SLC27A6: variants seen among roughly 807,000 people sequenced by gnomAD.
The protein encoded by SLC27A6 is solute carrier family 27 member 6.
A neutral mutation model predicts 63.9 loss-of-function variants in SLC27A6; 74 were observed. That is an observed-to-expected ratio of 1.16 (90% CI 0.96 to 1.40). The LOEUF (loss-of-function observed/expected upper bound fraction) is 1.40, where lower values mean the gene tolerates loss of function less well. Among genes scored for constraint, SLC27A6 ranks in the 40% most tolerant of loss-of-function variants. SLC27A6 has a pLI of 0.00. For synonymous variants in SLC27A6, 287 were observed against 260.8 expected, an observed-to-expected ratio of 1.10 and a Z score of -0.97; for missense variants, 794 against 732.9, an observed-to-expected ratio of 1.08 and a Z score of -0.96.
At chr5:128,969,752 T>C (rs1247401162) in intron 1 of SLC27A6, among the ~76,000 whole-genome samples, 1 of 152,204 alleles carries the variant, frequency 6.6e-6, no homozygotes, top group Non-Finnish European at 1.5e-5. Flanking sequence ...GAATACCTTT[T>C]ATTTCTTTCT....
At chr5:129,032,302 A>G (rs1364345021) in intron 9 of SLC27A6, among the ~76,000 whole-genome samples, 1 of 152,062 alleles carries the variant, frequency 6.6e-6, no homozygotes, top group Non-Finnish European at 1.5e-5. Context: ...TTCATTTTCA[A>G]ATAACCACAA....
intron 1 of SLC27A6, among the ~76,000 whole-genome samples, chr5:128,969,024 G>C (rs375138341): frequency 3.3e-5 from 5 of 151,982 alleles, no homozygotes; most frequent in African/African-American, 7.2e-5. Flanking sequence ...ATAGGGAATC[G>C]TTTCCCCATT....
At chr5:128,995,686 C>G (rs1031747997) in intron 4 of SLC27A6, among the ~76,000 whole-genome samples, 26 of 152,070 alleles carry the variant, frequency 1.7e-4, no homozygotes, top group African/African-American at 6.3e-4. Flanking sequence ...AAAGGAAGAG[C>G]CCCACAGAAA....
At chr5:129,017,285 A>G (rs1039428210) in intron 5 of SLC27A6, among the ~76,000 whole-genome samples, 1 of 152,136 alleles carries the variant, frequency 6.6e-6, no homozygotes, top group Non-Finnish European at 1.5e-5. Flanking sequence ...ATTTTTTTAA[A>G]AGACAACTAG....
intron 9 of SLC27A6, among the ~76,000 whole-genome samples, chr5:129,030,459 G>T (rs891048903): frequency 1.3e-5 from 2 of 151,724 alleles, no homozygotes; most frequent in Non-Finnish European, 2.9e-5. Context: ...TCATATTCAG[G>T]TTTCAGTATT....
chr5:128,975,365 A>G (rs1750340810), intron 1 of SLC27A6, among the ~76,000 whole-genome samples: 1 of 152,138 alleles, frequency 6.6e-6, no homozygotes, highest in African/African-American at 2.4e-5. Flanking sequence ...AAGCAAACAA[A>G]CAAACAAAAG....
At chr5:128,972,891 A>G (rs1750233703) in intron 1 of SLC27A6, among the ~76,000 whole-genome samples, 1 of 152,092 alleles carries the variant, frequency 6.6e-6, no homozygotes, top group African/African-American at 2.4e-5. Flanking sequence ...CTGGTTTCCT[A>G]TCTTTGTGGT....
chr5:129,005,078 G>C (rs937596253), intron 4 of SLC27A6, among the ~76,000 whole-genome samples: 4 of 152,062 alleles, frequency 2.6e-5, no homozygotes, highest in African/African-American at 9.7e-5. Context: ...TTCTCTCCTT[G>C]ATGCCCTCCA....
intron 5 of SLC27A6, among the ~76,000 whole-genome samples, chr5:129,021,777 A>G (rs1752084257): frequency 6.6e-6 from 1 of 152,176 alleles, no homozygotes; most frequent in South Asian, 2.1e-4. Flanking sequence ...GAGTACTTCT[A>G]GAAAATGCTG....
Position 128,965,916 on chromosome 5 carries a change from C to T in SLC27A6, c.-222C>T, listed in dbSNP as rs1749867090. On this transcript the variant is annotated 5_prime_UTR_variant, in exon 1 of 10. Transcript: ENST00000262462. The stretch of plus-strand genomic sequence containing the variant: ...CTTTCCAGCCGCCCAGTGACCCAAG[C>T]TTAATCTTCAGCACCACTTGGGGCG... 1 of 438,246 alleles carries T rather than the reference C, an allele frequency of 2.3e-6. No homozygotes were observed. Among genetic ancestry groups the T allele is most frequent in the Admixed American group, 4.0e-5 (1 of 25,000 alleles). 27.1% of individuals were successfully genotyped at this position (438,246 alleles called of 1,614,324 possible). A position where few individuals can be genotyped will look rare whatever the true frequency, so the allele number is the denominator to read the frequency against.
chr5:128,990,948 A>G (rs887753577), intron 4 of SLC27A6, among the ~76,000 whole-genome samples: 3 of 152,200 alleles, frequency 2.0e-5, no homozygotes, highest in Admixed American at 1.3e-4. Context: ...GATGGCGGAG[A>G]TCAGCAGTGG....
intron 5 of SLC27A6, among the ~76,000 whole-genome samples, chr5:129,017,325 A>G (rs1751934298): frequency 6.6e-6 from 1 of 152,132 alleles, no homozygotes. Flanking sequence ...GAAATAAAAC[A>G]TTTCTAAATA....
chr5:128,975,332 T>C (rs529899350), intron 1 of SLC27A6, among the ~76,000 whole-genome samples: 22 of 152,274 alleles, frequency 1.4e-4, no homozygotes, highest in African/African-American at 4.1e-4. Context: ...GTCTGGGGAA[T>C]AGAGTGAGAC....
At chr5:128,980,462 C>T (rs1750545080) in intron 1 of SLC27A6, among the ~76,000 whole-genome samples, 1 of 152,138 alleles carries the variant, frequency 6.6e-6, no homozygotes, top group African/African-American at 2.4e-5. Context: ...GGAATCAATC[C>T]AGAATTCCAG....
chr5:128,975,137 G>A (rs961782359), intron 1 of SLC27A6, among the ~76,000 whole-genome samples: 4 of 152,176 alleles, frequency 2.6e-5, no homozygotes, highest in African/African-American at 9.7e-5. Context: ...GATCACCTGA[G>A]GTCAGGAGTT....
intron 4 of SLC27A6, among the ~76,000 whole-genome samples, chr5:128,996,566 C>T (rs1188240314): frequency 6.6e-6 from 1 of 151,934 alleles, no homozygotes; most frequent in African/African-American, 2.4e-5. Flanking sequence ...TGCAGTGAGC[C>T]CCTAAGAGTT....
Position 129,028,397 on chromosome 5 carries a change from T to C in SLC27A6, c.1507T>C (p.Leu503=), listed in dbSNP as rs992198880. 1.2e-6 allele frequency: 2 copies of C among 1,610,452 alleles called. No individual in the cohort carries two copies. Among genetic ancestry groups the C allele is most frequent in the Non-Finnish European group, 8.5e-7 (1 of 1,177,328 alleles). The change falls in exon 8 of 10, where the codon TTG becomes CTG. Residue 503 remains leucine (L), a synonymous_variant. Coordinates refer to ENST00000262462, the MANE Select transcript of SLC27A6 (RefSeq NM_001017372.3). ...TGAGGTTGCTGATGTTATTGGAATG[T>C]TGGATTTCATACAGGAAGCAAACGT... The part of the protein sequence containing the change: ...TTEVADVIGM[L]DFIQEANVYG...
intron 1 of SLC27A6, among the ~76,000 whole-genome samples, chr5:128,970,212 G>A (rs1399336015): frequency 7.1e-6 from 1 of 141,674 alleles, no homozygotes; most frequent in Non-Finnish European, 1.6e-5. Flanking sequence ...CAAGGATATT[G>A]GTCTAAAATT....
chr5:128,970,489 C>G (rs56706994), intron 1 of SLC27A6, among the ~76,000 whole-genome samples: 23 of 152,054 alleles, frequency 1.5e-4, no homozygotes, highest in African/African-American at 3.6e-4. Context: ...AGTCTTGTGA[C>G]GGTGTATGTG....
Sources: allele counts gnomAD v4.1 joint callset (sites outside exome capture counted in the v4.1 genomes callset), GRCh38; gene constraint gnomAD v4.1.1; transcripts MANE v1.5; gene names NCBI Gene and HGNC (gene_info 2026-07-23, HGNC 2026-07-21).